Variants in HOXD8 observed in about 807,000 individuals in gnomAD.
The protein encoded by HOXD8 is homeobox protein Hox-D8.
HOXD8 carries 17 observed loss-of-function variants against 25.4 expected under a neutral mutation model. That is an observed-to-expected ratio of 0.67 (90% CI 0.46 to 1.00). HOXD8 has a LOEUF of 1.00. HOXD8 is among the 50% of genes least tolerant of loss of function. The pLI is 0.00. For synonymous variants in HOXD8, 203 were observed against 175.3 expected (o/e 1.16, Z -1.25); for missense variants, 511 against 398.5 (o/e 1.28, Z -2.40).
chr2:176,130,582 G>C lies in HOXD8; in HGVS notation c.216G>C (p.Pro72=). 1 of 1,458,782 alleles carries C rather than the reference G, an allele frequency of 6.9e-7. No individual in the cohort carries two copies. Among genetic ancestry groups the C allele is most frequent in the Non-Finnish European group, 9.0e-7 (1 of 1,116,230 alleles). The allele number at this position is 1,458,782 out of a possible 1,614,324, so 90.4% of individuals were successfully genotyped here. A position where few individuals can be genotyped will look rare whatever the true frequency, so the allele number is the denominator to read the frequency against. ...PHAPPQAHAH[P]HPSPPPSGTG... is the part of the protein sequence containing the mutation. ...CGCCCCCGCAGGCGCACGCGCACCCGCACCCGTCCCCGCCGCCCTCCGGGA... is the reference window on the plus strand; with the variant it reads ...CGCCCCCGCAGGCGCACGCGCACCCCCACCCGTCCCCGCCGCCCTCCGGGA... The change falls in exon 1 of 2, where the codon CCG becomes CCC. Residue 72 remains proline (P), a synonymous_variant. Transcript: ENST00000313173.
In HOXD8 at chr2:176,130,638, A is replaced by C. The variant is rs1157308585; in HGVS notation, c.272A>C (p.Gln91Pro). 8 of 1,541,328 alleles carry C rather than the reference A, an allele frequency of 5.2e-6. No individual in the cohort carries two copies. Among genetic ancestry groups the C allele is most frequent in the Non-Finnish European group, 3.5e-6 (4 of 1,151,542 alleles). Residue 91 changes from glutamine (Q) to proline (P), a missense_variant, in exon 1 of 2, where the codon CAG becomes CCG. Transcript: ENST00000313173. ...TGCGGREGRGQEYFHPGGGSP... is the reference protein window; with the variant it reads ...TGCGGREGRGPEYFHPGGGSP... Reference sequence around the variant, plus strand: ...TGCGGCGGTAGGGAAGGCCGGGGCCAGGAGTACTTCCACCCCGGCGGGGGC... The same window carrying C: ...TGCGGCGGTAGGGAAGGCCGGGGCCCGGAGTACTTCCACCCCGGCGGGGGC...
chr2:176,130,503 C>T lies in HOXD8; in HGVS notation c.137C>T (p.Ala46Val), dbSNP rs1455479706. Residue 46 changes from alanine to valine, a missense_variant, in exon 1 of 2, where the codon GCC becomes GTC. Physicochemically the swap from Ala to Val is moderately conservative, Grantham distance 64. Transcript: ENST00000313173. Reference sequence around the variant, plus strand: ...CCCGAGGTCGGCGGCCGTCACGCCGCCGCCGCAGCAGCCCTGCAGCTCTAT... The same window carrying T: ...CCCGAGGTCGGCGGCCGTCACGCCGTCGCCGCAGCAGCCCTGCAGCTCTAT... ...FAPEVGGRHA[A>V]AAAALQLYGN... The T allele has an allele frequency of 4.7e-6, 7 of 1,491,942 alleles. No homozygotes were observed. In the Admixed American group the frequency reaches 8.9e-5, roughly 19 times the overall value. The allele number at this position is 1,491,942 out of a possible 1,614,324, so 92.4% of individuals were successfully genotyped here.
At position 176,132,585 on chromosome 2, in the gene HOXD8, AT is replaced by A. The variant is rs1299613051; in HGVS notation, c.*974del. 6.6e-6 allele frequency: 1 copy of A among 152,236 alleles called. No individual in the cohort carries two copies. Among genetic ancestry groups the A allele is most frequent in the Non-Finnish European group, 1.5e-5 (1 of 68,046 alleles). 9.4% of individuals were successfully genotyped at this position (152,236 alleles called of 1,614,324 possible). On this transcript the variant is annotated 3_prime_UTR_variant, in exon 2 of 2. Coordinates refer to ENST00000313173, the MANE Select transcript of HOXD8 (RefSeq NM_019558.4). The stretch of plus-strand genomic sequence containing the variant: ...TCCTCCGCTGTTCTTCAGGAAAGCG[AT>A]AGCCTCACCTATTTGAAACAAGCCC...
rs1176402725 is a variant in HOXD8 at position 176,129,828 on chromosome 2, G to A, written c.-539G>A. 3 of 261,124 alleles carry A rather than the reference G, an allele frequency of 1.1e-5. No homozygotes were observed. The highest frequency in any genetic ancestry group is 2.4e-5 in the African/African-American group (1 of 41,664). The allele number at this position is 261,124 out of a possible 1,614,324, so 16.2% of individuals were successfully genotyped here. On this transcript the variant is annotated 5_prime_UTR_variant, in exon 1 of 2. Coordinates refer to ENST00000313173, the MANE Select transcript of HOXD8 (RefSeq NM_019558.4). ...CGGGGGCGAGATTGGCGGGAGGGGG[G>A]CGCGGGGGGGGCGCGGTAAGAGGTG...
chr2:176,130,741 C>G lies in HOXD8; in HGVS notation c.375C>G (p.Gly125=). ...PPPPPPPPPC[G]GIACHGEPAK... The stretch of plus-strand genomic sequence containing the variant: ...CTCCGCCGCCACCTCCCCCCTGCGG[C>G]GGGATTGCCTGTCACGGGGAGCCCG... Residue 125 remains glycine (G), a synonymous_variant, in exon 1 of 2, where the codon GGC becomes GGG. Transcript: ENST00000313173. The G allele has an allele frequency of 6.2e-7, 1 of 1,609,366 alleles. No individual in the cohort carries two copies. The highest frequency in any genetic ancestry group is 1.1e-5 in the South Asian group (1 of 90,646).
Position 176,130,916 on chromosome 2 carries a change from C to A in HOXD8, c.550C>A (p.Gln184Lys). 6.3e-7 allele frequency: 1 copy of A among 1,597,992 alleles called. No homozygotes were observed. Among genetic ancestry groups the A allele is most frequent in the Non-Finnish European group, 8.5e-7 (1 of 1,170,338 alleles). Residue 184 changes from glutamine to lysine, a missense_variant, in exon 1 of 2, where the codon CAA becomes AAA. Coordinates refer to ENST00000313173, the MANE Select transcript of HOXD8 (RefSeq NM_019558.4). ...DHLNQSSSPS[Q>K]MFPWMRPQAA... ...CTTAAATCAGAGCTCGTCTCCTTCTCAAATGTTTCCGTGGATGAGACCACA... is the reference window on the plus strand; with the variant it reads ...CTTAAATCAGAGCTCGTCTCCTTCTAAAATGTTTCCGTGGATGAGACCACA...
In HOXD8 at chr2:176,130,550, C is replaced by CCGCACGCGCCCCCGCAGG. The variant is rs564911040; in HGVS notation, c.194_211dup (p.Pro65_Ala70dup). The CCGCACGCGCCCCCGCAGG allele has an allele frequency of 1.4e-6, 2 of 1,469,912 alleles. No individual in the cohort carries two copies. The highest frequency in any genetic ancestry group is 1.8e-6 in the Non-Finnish European group (2 of 1,119,394). The allele number at this position is 1,469,912 out of a possible 1,614,324, so 91.1% of individuals were successfully genotyped here. On this transcript the variant is annotated inframe_insertion, in exon 1 of 2. Coordinates refer to ENST00000313173, the MANE Select transcript of HOXD8 (RefSeq NM_019558.4). ...CTATGGCAACAGCGCCGCCGGCTTC[C>CCGCACGCGCCCCCGCAGG]CGCACGCGCCCCCGCAGGCGCACGC...
Position 176,129,833 on chromosome 2 carries a change from G to A in HOXD8, c.-534G>A. 3.7e-6 allele frequency: 1 copy of A among 267,228 alleles called. No homozygotes were observed. The highest frequency in any genetic ancestry group is 3.4e-5 in the South Asian group (1 of 29,202). The allele number at this position is 267,228 out of a possible 1,614,324, so 16.6% of individuals were successfully genotyped here. A position where few individuals can be genotyped will look rare whatever the true frequency, so the allele number is the denominator to read the frequency against. On this transcript the variant is annotated 5_prime_UTR_variant, in exon 1 of 2. Transcript: ENST00000313173. ...GCGAGATTGGCGGGAGGGGGGCGCG[G>A]GGGGGGCGCGGTAAGAGGTGGCGGC...
At position 176,131,856 on chromosome 2, in the gene HOXD8, A is replaced by G. The variant is rs778042498; in HGVS notation, c.*244A>G. 8.0e-6 allele frequency: 3 copies of G among 377,224 alleles called. No homozygotes were observed. Among genetic ancestry groups the G allele is most frequent in the Admixed American group, 4.2e-5 (1 of 23,744 alleles). 23.4% of individuals were successfully genotyped at this position (377,224 alleles called of 1,614,324 possible). A position where few individuals can be genotyped will look rare whatever the true frequency, so the allele number is the denominator to read the frequency against. ...AATTTGATACTGACCTTGTAGCTAT[A>G]TTTTTATAATGGTTTTTAATGTCTG... On this transcript the variant is annotated 3_prime_UTR_variant, in exon 2 of 2. Transcript: ENST00000313173.
At position 176,130,602 on chromosome 2, in the gene HOXD8, C is replaced by G. The variant is rs750520050; in HGVS notation, c.236C>G (p.Ser79Cys). Residue 79 changes from serine (S) to cysteine (C), a missense_variant, in exon 1 of 2, where the codon TCC (serine) becomes TGC (cysteine). Physicochemically the swap from Ser to Cys is moderately radical, Grantham distance 112. Transcript: ENST00000313173. ...HAHPHPSPPP[S>C]GTGCGGREGR... ...CACCCGCACCCGTCCCCGCCGCCCT[C>G]CGGGACTGGGTGCGGCGGTAGGGAA... 3.4e-6 allele frequency: 5 copies of G among 1,484,924 alleles called. No homozygotes were observed. Among genetic ancestry groups the G allele is most frequent in the Non-Finnish European group, 4.4e-6 (5 of 1,131,302 alleles). The allele number at this position is 1,484,924 out of a possible 1,614,324, so 92.0% of individuals were successfully genotyped here.
chr2:176,130,496 C>T lies in HOXD8; in HGVS notation c.130C>T (p.His44Tyr), dbSNP rs757307442. ...CHFAPEVGGR[H>Y]AAAAAALQLY... Reference sequence around the variant, plus strand: ...CTTCGCGCCCGAGGTCGGCGGCCGTCACGCCGCCGCCGCAGCAGCCCTGCA... The same window carrying T: ...CTTCGCGCCCGAGGTCGGCGGCCGTTACGCCGCCGCCGCAGCAGCCCTGCA... The change falls in exon 1 of 2, where the codon CAC becomes TAC. Residue 44 changes from histidine (H) to tyrosine (Y), a missense_variant. His to Tyr is a moderately conservative substitution (Grantham distance 83, BLOSUM62 2). Transcript: ENST00000313173. 8.1e-5 allele frequency: 121 copies of T among 1,491,552 alleles called. 1 individual carries two copies. In the Middle Eastern group the frequency reaches 3.7e-3, roughly 45 times the overall value. 92.4% of individuals were successfully genotyped at this position (1,491,552 alleles called of 1,614,324 possible).
Position 176,131,556 on chromosome 2 carries a change from A to T in HOXD8, c.817A>T (p.Thr273Ser), listed in dbSNP as rs1352713755. ...CCGGCAGGAGGTGAAGGACGGGGAA[A>T]CGAAAAAGGAAGCCCAAGAGCTGGA... is the stretch of plus-strand genomic sequence containing the variant. The part of the protein sequence containing the change: ...VSRQEVKDGE[T>S]KKEAQELEED... The change falls in exon 2 of 2, where the codon ACG (threonine) becomes TCG (serine). Residue 273 changes from threonine to serine, a missense_variant. Coordinates refer to ENST00000313173, the MANE Select transcript of HOXD8 (RefSeq NM_019558.4). The T allele has an allele frequency of 1.2e-6, 2 of 1,612,228 alleles. No homozygotes were observed. The highest frequency in any genetic ancestry group is 3.4e-5 in the Admixed American group (2 of 59,524).
In HOXD8 at chr2:176,131,856, A is replaced by AT. The variant is rs1425500347; in HGVS notation, c.*249dup. On this transcript the variant is annotated 3_prime_UTR_variant, in exon 2 of 2. Transcript: ENST00000313173. Reference sequence around the variant, plus strand: ...AATTTGATACTGACCTTGTAGCTATATTTTTATAATGGTTTTTAATGTCTG... The same window carrying AT: ...AATTTGATACTGACCTTGTAGCTATATTTTTTATAATGGTTTTTAATGTCTG... The AT allele has an allele frequency of 2.7e-6, 1 of 377,106 alleles. No homozygotes were observed. Among genetic ancestry groups the AT allele is most frequent in the East Asian group, 4.1e-5 (1 of 24,554 alleles). 23.4% of individuals were successfully genotyped at this position (377,106 alleles called of 1,614,324 possible).
In HOXD8 at chr2:176,131,417, A is replaced by G. The variant is rs767184523; in HGVS notation, c.678A>G (p.Arg226=). The change falls in exon 2 of 2, where the codon AGA becomes AGG. Residue 226 remains arginine (R), a synonymous_variant. Coordinates refer to ENST00000313173, the MANE Select transcript of HOXD8 (RefSeq NM_019558.4). ...FLFNPYLTRK[R]RIEVSHALAL... is the part of the protein sequence containing the mutation. ...TTAACCCCTATCTGACCAGGAAAAG[A>G]AGAATCGAGGTTTCCCACGCCCTAG... The G allele has an allele frequency of 6.2e-7, 1 of 1,614,064 alleles. No individual in the cohort carries two copies. Among genetic ancestry groups the G allele is most frequent in the South Asian group, 1.1e-5 (1 of 91,062 alleles).
At position 176,131,438 on chromosome 2, in the gene HOXD8, C is replaced by G; in HGVS notation, c.699C>G (p.Ala233=). The change falls in exon 2 of 2, where the codon GCC becomes GCG. Residue 233 remains alanine (A), a synonymous_variant. Coordinates refer to ENST00000313173, the MANE Select transcript of HOXD8 (RefSeq NM_019558.4). ...AAAGAAGAATCGAGGTTTCCCACGC[C>G]CTAGCCCTCACCGAGAGACAGGTAA... ...TRKRRIEVSH[A]LALTERQVKI... is the part of the protein sequence containing the mutation. 4 of 1,613,518 alleles carry G rather than the reference C, an allele frequency of 2.5e-6. No homozygotes were observed. Among genetic ancestry groups the G allele is most frequent in the Non-Finnish European group, 3.4e-6 (4 of 1,179,902 alleles).
In HOXD8 at chr2:176,130,685, G is replaced by A; in HGVS notation, c.319G>A (p.Ala107Thr). 1.3e-6 allele frequency: 2 copies of A among 1,576,808 alleles called. No individual in the cohort carries two copies. The highest frequency in any genetic ancestry group is 1.7e-6 in the Non-Finnish European group (2 of 1,162,018). ...GGGCAGCCCGGCCGCTGCCTACCAG[G>A]CCGCCCCCCCTCCTCCTCCGCATCC... ...GGGSPAAAYQAAPPPPPHPPP... is the reference protein window; with the variant it reads ...GGGSPAAAYQTAPPPPPHPPP... The change falls in exon 1 of 2, where the codon GCC (alanine) becomes ACC (threonine). Residue 107 changes from alanine to threonine, a missense_variant. Transcript: ENST00000313173.
At chr2:176,131,275 T>A (rs903003970) in intron 1 of HOXD8, 42 bp from the exon 2 acceptor site, 48 of 1,551,674 alleles carry the variant, frequency 3.1e-5, no homozygotes, top group Non-Finnish European at 4.1e-5. Context: ...ATAACATTTT[T>A]AAAACTTTTA....
In HOXD8 at chr2:176,131,435, C is replaced by T. The variant is rs1228240347; in HGVS notation, c.696C>T (p.His232=). ...GGAAAAGAAGAATCGAGGTTTCCCACGCCCTAGCCCTCACCGAGAGACAGG... is the reference window on the plus strand; with the variant it reads ...GGAAAAGAAGAATCGAGGTTTCCCATGCCCTAGCCCTCACCGAGAGACAGG... ...LTRKRRIEVS[H]ALALTERQVK... is the part of the protein sequence containing the mutation. The change falls in exon 2 of 2, where the codon CAC becomes CAT. Residue 232 remains histidine (H), a synonymous_variant. Transcript: ENST00000313173. 9 of 1,613,600 alleles carry T rather than the reference C, an allele frequency of 5.6e-6. No individual in the cohort carries two copies. The highest frequency in any genetic ancestry group is 1.1e-5 in the South Asian group (1 of 91,022).
Position 176,130,840 on chromosome 2 carries a change from A to G in HOXD8, c.474A>G (p.Gln158=). The G allele has an allele frequency of 1.2e-6, 2 of 1,613,358 alleles. No homozygotes were observed. The highest frequency in any genetic ancestry group is 1.7e-5 in the Admixed American group (1 of 59,998). ...FTTQQEAELV[Q]YPDCKSSSGN... ...CCCAGCAAGAGGCCGAGCTGGTACA[A>G]TATCCTGACTGTAAATCGTCCAGTG... The change falls in exon 1 of 2, where the codon CAA becomes CAG. Residue 158 remains glutamine (Q), a synonymous_variant. Transcript: ENST00000313173.
Sources: gnomAD v4.1 joint callset for allele counts on GRCh38, gnomAD v4.1.1 for gene constraint, MANE v1.5 for transcripts, NCBI Gene and HGNC (gene_info 2026-07-23, HGNC 2026-07-21) for gene names.